RBMS3: variants seen among roughly 807,000 people sequenced by gnomAD.
The protein encoded by RBMS3 is RNA-binding motif, single-stranded-interacting protein 3.
In RBMS3, 27 loss-of-function variants were observed where a neutral mutation model predicts 66.8. The ratio of observed to expected loss-of-function variants is 0.40; its 90% CI spans 0.30 to 0.56. RBMS3 has a LOEUF of 0.56. Among genes scored for constraint, RBMS3 ranks in the 20% least tolerant of loss-of-function variants. The probability of loss-of-function intolerance (pLI) is 0.40; values close to 1 mark genes in which losing one functional copy is unlikely to be tolerated. For synonymous variants in RBMS3, 188 were observed against 183.0 expected, an observed-to-expected ratio of 1.03 and a Z score of -0.22; for missense variants, 513 against 549.5, an observed-to-expected ratio of 0.93 and a Z score of 0.66.
intron 3 of RBMS3, among the ~76,000 whole-genome samples, chr3:29,515,938 G>C (rs1488577071): frequency 6.6e-6 from 1 of 152,176 alleles, no homozygotes; most frequent in Non-Finnish European, 1.5e-5. Flanking sequence ...TTTATACCTA[G>C]GCACATGCCA....
chr3:29,565,415 A>T (rs188561578), intron 3 of RBMS3, among the ~76,000 whole-genome samples: 3 of 152,206 alleles, frequency 2.0e-5, no homozygotes, highest in African/African-American at 7.2e-5. Flanking sequence ...TGATTTCACT[A>T]TGGAATTCTG....
At chr3:29,884,978 C>T (rs2059834948) in intron 8 of RBMS3, among the ~76,000 whole-genome samples, 1 of 151,922 alleles carries the variant, frequency 6.6e-6, no homozygotes, top group Non-Finnish European at 1.5e-5. Flanking sequence ...TGAAGATCAA[C>T]ATAGAGGGTA....
rs539444259 is a variant in RBMS3, at chr3:29,631,055, G to A, written c.399+43850G>A. Reference sequence around the variant, plus strand: ...AGGACCTAATATCCTCTAATGCTTAGCAAAATTTGAGTATTTTAAGAGGTA... The same window carrying A: ...AGGACCTAATATCCTCTAATGCTTAACAAAATTTGAGTATTTTAAGAGGTA... On this transcript the variant is annotated intron_variant, in intron 4 of 14. Transcript: ENST00000383767. Among the ~76,000 whole-genome samples the A allele has an allele frequency of 6.4e-4, 98 of 151,980 alleles. 1 individual carries two copies. Among genetic ancestry groups the A allele is most frequent in the African/African-American group, 2.1e-3 (87 of 41,506 alleles).
intron 7 of RBMS3, among the ~76,000 whole-genome samples, chr3:29,876,288 T>C (rs1453523832): frequency 6.6e-6 from 1 of 152,076 alleles, no homozygotes; most frequent in Admixed American, 6.6e-5. Context: ...CCTCTATCTC[T>C]TTGACCAATC....
At position 29,702,634 on chromosome 3, in the gene RBMS3, A is replaced by G. The variant is rs746397101; in HGVS notation, c.400-37086A>G. Among the ~76,000 whole-genome samples, 14 of 152,108 alleles carry G rather than the reference A, an allele frequency of 9.2e-5. 1 individual carries two copies. Among genetic ancestry groups the G allele is most frequent in the Non-Finnish European group, 2.9e-5 (2 of 68,016 alleles). ...CTGAGGCCAGCGAGACCACAAACCC[A>G]CCAGGAGGAATGAACAACTCTGGAT... On this transcript the variant is annotated intron_variant, in intron 4 of 14. Transcript: ENST00000383767.
chr3:29,851,197 A>G (rs915277414), intron 6 of RBMS3, among the ~76,000 whole-genome samples: 2 of 152,190 alleles, frequency 1.3e-5, no homozygotes, highest in African/African-American at 4.8e-5. Context: ...ACTAAAGTAT[A>G]ATTTCCATGA....
intron 1 of RBMS3, among the ~76,000 whole-genome samples, chr3:29,379,051 C>T (rs192343697): frequency 6.6e-6 from 1 of 152,284 alleles, no homozygotes; most frequent in East Asian, 1.9e-4. Context: ...TCTGGATCTT[C>T]CATGGTAAAA....
chr3:29,748,792 G>A (rs1576688557), intron 5 of RBMS3, among the ~76,000 whole-genome samples: 1 of 152,140 alleles, frequency 6.6e-6, no homozygotes, highest in Non-Finnish European at 1.5e-5. Flanking sequence ...TGAACTAAAA[G>A]CATTTTGACT....
chr3:29,936,822 G>C (rs1267799559), intron 11 of RBMS3, among the ~76,000 whole-genome samples: 2 of 151,954 alleles, frequency 1.3e-5, no homozygotes, highest in East Asian at 3.9e-4. Context: ...CCTGGATTTT[G>C]TATCAATGAG....
At chr3:29,632,096 G>C (rs992357969) in intron 4 of RBMS3, among the ~76,000 whole-genome samples, 1 of 151,848 alleles carries the variant, frequency 6.6e-6, no homozygotes, top group Admixed American at 6.6e-5. Context: ...CTGTAGAGCT[G>C]CTTCAGTTCA....
chr3:29,576,865 A>T (rs2047139916), intron 3 of RBMS3, among the ~76,000 whole-genome samples: 1 of 151,946 alleles, frequency 6.6e-6, no homozygotes, highest in Non-Finnish European at 1.5e-5. Flanking sequence ...CCTGAGACTC[A>T]CCCTTCTGAG....
intron 14 of RBMS3, 111 bp downstream of exon 14, chr3:29,991,320 C>A: frequency 6.6e-7 from 1 of 1,519,758 alleles, no homozygotes; most frequent in Non-Finnish European, 8.9e-7. Context: ...CCAAACTTAG[C>A]AACAGGCATT....
intron 10 of RBMS3, among the ~76,000 whole-genome samples, chr3:29,926,542 A>G (rs2060943578): frequency 6.6e-6 from 1 of 152,194 alleles, no homozygotes; most frequent in Admixed American, 6.6e-5. Context: ...ATGATTTTCC[A>G]GGCCCATTTG....
intron 5 of RBMS3, among the ~76,000 whole-genome samples, chr3:29,740,681 C>G (rs894162329): frequency 6.6e-6 from 1 of 152,114 alleles, no homozygotes; most frequent in Non-Finnish European, 1.5e-5. Flanking sequence ...GTGTCTCCAG[C>G]TGATTTATCA....
intron 6 of RBMS3, among the ~76,000 whole-genome samples, chr3:29,850,014 C>T (rs1367139954): frequency 1.3e-5 from 2 of 152,102 alleles, no homozygotes; most frequent in African/African-American, 2.4e-5. Flanking sequence ...GGTAAAGATA[C>T]GAGGTAGGCA....
chr3:29,921,762 C>G (rs917807809), intron 10 of RBMS3, among the ~76,000 whole-genome samples: 1 of 152,132 alleles, frequency 6.6e-6, no homozygotes, highest in African/African-American at 2.4e-5. Flanking sequence ...ACTAAGATAA[C>G]AATTGAGCCA....
chr3:29,843,607 G>C (rs893761881), intron 6 of RBMS3, among the ~76,000 whole-genome samples: 3 of 152,096 alleles, frequency 2.0e-5, no homozygotes, highest in Non-Finnish European at 4.4e-5. Context: ...TTCATTAGTT[G>C]AAAATGAACT....
chr3:29,721,416 T>A (rs1388572121), intron 4 of RBMS3, among the ~76,000 whole-genome samples: 1 of 152,184 alleles, frequency 6.6e-6, no homozygotes, highest in Non-Finnish European at 1.5e-5. Context: ...AGTGGTCTAA[T>A]ACTAGGGTAT....
intron 12 of RBMS3, among the ~76,000 whole-genome samples, chr3:29,952,593 T>G (rs1695757114): frequency 6.6e-6 from 1 of 151,860 alleles, no homozygotes; most frequent in South Asian, 2.1e-4. Flanking sequence ...TTTTTACTTT[T>G]CTGCTTAAAA....
Sources: allele counts gnomAD v4.1 joint callset (sites outside exome capture counted in the v4.1 genomes callset), GRCh38; gene constraint gnomAD v4.1.1; transcripts MANE v1.5; gene names NCBI Gene and HGNC (gene_info 2026-07-23, HGNC 2026-07-21).